The following KCNQ5 variants were observed in gnomAD, a reference collection of about 807,000 sequenced individuals.
KCNQ5 encodes potassium voltage-gated channel subfamily KQT member 5.
Under a neutral mutation model 98.2 loss-of-function variants are expected in KCNQ5, and 30 were observed. The observed-to-expected ratio is 0.31, with a 90% CI of 0.23 to 0.41. The LOEUF is 0.41. KCNQ5 is among the 10% of genes least tolerant of loss of function. KCNQ5 has a pLI of 1.00. For synonymous variants in KCNQ5, 458 were observed against 449.4 expected (o/e 1.02, Z -0.24); for missense variants, 835 against 1,182.5 (o/e 0.71, Z 4.31).
intron 2 of KCNQ5, among the ~76,000 whole-genome samples, chr6:73,028,246 G>A (rs1030478092): frequency 6.6e-6 from 1 of 152,146 alleles, no homozygotes; most frequent in Non-Finnish European, 1.5e-5. Flanking sequence ...ACGGCAAGAC[G>A]GTGTGAACAA....
chr6:72,876,670 G>A (rs186713429), intron 1 of KCNQ5, among the ~76,000 whole-genome samples: 2 of 152,190 alleles, frequency 1.3e-5, no homozygotes, highest in East Asian at 1.9e-4. Flanking sequence ...ATTACACTTG[G>A]ATTTCATACA....
intron 11 of KCNQ5, among the ~76,000 whole-genome samples, chr6:73,180,825 C>T (rs1283609493): frequency 6.6e-6 from 1 of 152,126 alleles, no homozygotes; most frequent in African/African-American, 2.4e-5. Context: ...ATCAAACTGC[C>T]TCTTCAGTTC....
At chr6:72,647,460 C>T (rs1055226273) in intron 1 of KCNQ5, among the ~76,000 whole-genome samples, 4 of 134,378 alleles carry the variant, frequency 3.0e-5, no homozygotes, top group Admixed American at 2.2e-4. Flanking sequence ...CAAAACAAAA[C>T]GAAAAAAAAA....
chr6:72,964,474 C>T (rs1202324752), intron 1 of KCNQ5, among the ~76,000 whole-genome samples: 1 of 152,010 alleles, frequency 6.6e-6, no homozygotes, highest in Non-Finnish European at 1.5e-5. Flanking sequence ...GAAAATATGC[C>T]TTAGGGTACA....
chr6:73,121,627 G>A (rs537482253), intron 8 of KCNQ5, among the ~76,000 whole-genome samples: 3 of 152,080 alleles, frequency 2.0e-5, no homozygotes, highest in Non-Finnish European at 2.9e-5. Flanking sequence ...TGGGATTCAG[G>A]ACACCTAACT....
At chr6:72,696,827 G>T (rs944835368) in intron 1 of KCNQ5, among the ~76,000 whole-genome samples, 2 of 152,038 alleles carry the variant, frequency 1.3e-5, no homozygotes, top group South Asian at 2.1e-4. Flanking sequence ...AAAGCTTCAA[G>T]AATACATATC....
intron 5 of KCNQ5, among the ~76,000 whole-genome samples, chr6:73,079,949 A>C (rs1006824779): frequency 6.6e-6 from 1 of 152,194 alleles, no homozygotes; most frequent in Non-Finnish European, 1.5e-5. Flanking sequence ...GATAATTCTA[A>C]TGTATTTGAC....
intron 1 of KCNQ5, among the ~76,000 whole-genome samples, chr6:72,930,745 G>A (rs1214823813): frequency 6.6e-6 from 1 of 152,048 alleles, no homozygotes; most frequent in Non-Finnish European, 1.5e-5. Flanking sequence ...AACACACTTT[G>A]GCTTCTGTTC....
intron 3 of KCNQ5, among the ~76,000 whole-genome samples, chr6:73,059,394 A>T (rs1772674645): frequency 6.6e-6 from 1 of 152,162 alleles, no homozygotes; most frequent in African/African-American, 2.4e-5. Flanking sequence ...AGAACAACAG[A>T]CGCGTAAGCC....
chr6:73,001,816 T>C (rs570512036), intron 1 of KCNQ5, among the ~76,000 whole-genome samples: 101 of 152,312 alleles, frequency 6.6e-4, no homozygotes, highest in African/African-American at 2.3e-3. Flanking sequence ...TAAAATATAA[T>C]CCACAGTATC....
At chr6:72,891,870 A>T (rs1202423788) in intron 1 of KCNQ5, among the ~76,000 whole-genome samples, 1 of 152,196 alleles carries the variant, frequency 6.6e-6, no homozygotes, top group East Asian at 1.9e-4. Context: ...GAAGGCTTGA[A>T]TGTCCACACA....
intron 1 of KCNQ5, among the ~76,000 whole-genome samples, chr6:72,936,075 A>G (rs1261042173): frequency 6.6e-6 from 1 of 152,062 alleles, no homozygotes; most frequent in Non-Finnish European, 1.5e-5. Flanking sequence ...TGCTTCTCTG[A>G]TCTCCAGACT....
At chr6:72,757,282 C>A (rs368570157) in intron 1 of KCNQ5, among the ~76,000 whole-genome samples, 2 of 152,214 alleles carry the variant, frequency 1.3e-5, no homozygotes. Context: ...TAAGGCAAGG[C>A]ACCCCAGGAA....
At position 72,900,504 on chromosome 6, in the gene KCNQ5, TA is replaced by T. The variant is rs796297492; in HGVS notation, c.399-103403del. On this transcript the variant is annotated intron_variant, in intron 1 of 13. Coordinates refer to ENST00000370398, the MANE Select transcript of KCNQ5 (RefSeq NM_019842.4). ...TCATATATATATATATACTCCATCA[TA>T]TATATATATATTTATATATATACCA... 9.5e-5 allele frequency among the ~76,000 whole-genome samples: 14 copies of T among 147,592 alleles called. No homozygotes were observed. In the South Asian group the frequency reaches 2.3e-3, roughly 24 times the overall value.
chr6:72,718,676 C>G (rs573838608), intron 1 of KCNQ5, among the ~76,000 whole-genome samples: 27 of 152,066 alleles, frequency 1.8e-4, no homozygotes, highest in African/African-American at 5.8e-4. Context: ...GTCTCAATCT[C>G]TTGACCTCGT....
intron 1 of KCNQ5, among the ~76,000 whole-genome samples, chr6:72,979,742 T>C (rs7758173): frequency 0.11 from 17,087 of 152,196 alleles, 1,296 homozygotes; most frequent in East Asian, 0.2. Flanking sequence ...AGTCATGAAG[T>C]CCTCGCCTGT....
At chr6:72,761,061 C>T (rs994176958) in intron 1 of KCNQ5, among the ~76,000 whole-genome samples, 9 of 151,940 alleles carry the variant, frequency 5.9e-5, no homozygotes, top group African/African-American at 1.9e-4. Flanking sequence ...GTGTCAATTC[C>T]GAGGCACCAA....
rs1024153273 is a variant in KCNQ5 at position 72,930,132 on chromosome 6, A to T, written c.399-73776A>T. 5.3e-5 allele frequency among the ~76,000 whole-genome samples: 8 copies of T among 152,226 alleles called. No homozygotes were observed. The South Asian group carries it at 1.7e-3, about 32-fold the overall frequency. The stretch of plus-strand genomic sequence containing the variant: ...TCTTTGCAGAGGTCATATTTAATAA[A>T]AAAAAAAGTCTGCCTTTGTCTCATC... On this transcript the variant is annotated intron_variant, in intron 1 of 13. Transcript: ENST00000370398.
At chr6:73,001,483 G>A (rs1469274347) in intron 1 of KCNQ5, among the ~76,000 whole-genome samples, 1 of 152,196 alleles carries the variant, frequency 6.6e-6, no homozygotes, top group African/African-American at 2.4e-5. Flanking sequence ...GCAATAAGAT[G>A]TGTTTCGAGC....
Sources: allele counts gnomAD v4.1 joint callset (sites outside exome capture counted in the v4.1 genomes callset), GRCh38; gene constraint gnomAD v4.1.1; transcripts MANE v1.5; gene names NCBI Gene and HGNC (gene_info 2026-07-23, HGNC 2026-07-21).